AADACL4: variants seen among roughly 807,000 people sequenced by gnomAD.
The protein encoded by AADACL4 is arylacetamide deacetylase like 4.
A neutral mutation model predicts 14.1 loss-of-function variants in AADACL4; 9 were observed. That is an observed-to-expected ratio of 0.64 (90% CI 0.39 to 1.12). AADACL4 has a LOEUF of 1.12. Among genes scored for constraint, AADACL4 ranks in the 50% most tolerant of loss-of-function variants. The pLI is 0.01. For missense variants in AADACL4, 531 were observed against 516.1 expected, an observed-to-expected ratio of 1.03 and a Z score of -0.28; for synonymous variants, 188 against 201.6, an observed-to-expected ratio of 0.93 and a Z score of 0.57.
In AADACL4 at chr1:12,644,699, C is replaced by T. The variant is rs1647099130; in HGVS notation, c.153C>T (p.Leu51=). The T allele has an allele frequency of 6.2e-7, 1 of 1,614,052 alleles. No individual in the cohort carries two copies. The highest frequency in any genetic ancestry group is 2.2e-5 in the East Asian group (1 of 44,884). Residue 51 remains leucine, a synonymous_variant, in exon 1 of 4, where the codon CTC becomes CTT. Coordinates refer to ENST00000376221, the MANE Select transcript of AADACL4 (RefSeq NM_001013630.2). ...TGAGATTCCTGCATTGCATATTCCT[C>T]TACCTGGTCACTTTGGTGAGTTTAC... is the stretch of plus-strand genomic sequence containing the variant. ...AKLRFLHCIF[L]YLVTLGNIFE...
intron 3 of AADACL4, among the ~76,000 whole-genome samples, chr1:12,662,836 C>T (rs920426144): frequency 1.3e-5 from 2 of 152,172 alleles, no homozygotes; most frequent in Admixed American, 6.5e-5. Flanking sequence ...ATCAACATAC[C>T]TCCCAGGTGG....
chr1:12,649,337 C>T (rs1482963957), intron 1 of AADACL4, among the ~76,000 whole-genome samples: 1 of 152,190 alleles, frequency 6.6e-6, no homozygotes, highest in African/African-American at 2.4e-5. Context: ...GAGAAGCCCA[C>T]AGTGTGTGGG....
intron 1 of AADACL4, among the ~76,000 whole-genome samples, chr1:12,647,239 G>A (rs983228592): frequency 3.9e-5 from 6 of 151,936 alleles, no homozygotes; most frequent in Admixed American, 6.6e-5. Context: ...GACCACAGGC[G>A]TGCACCTTCA....
At chr1:12,656,284 C>A (rs561986414) in intron 2 of AADACL4, among the ~76,000 whole-genome samples, 1 of 152,318 alleles carries the variant, frequency 6.6e-6, no homozygotes, top group East Asian at 1.9e-4. Flanking sequence ...TCCCAGTTCC[C>A]TTGGCTGGCT....
At position 12,666,596 on chromosome 1, in the gene AADACL4, A is replaced by G; in HGVS notation, c.1085A>G (p.Asp362Gly). ...DSLLYKKRLE[D>G]QGVRVTWYHL... is the part of the protein sequence containing the mutation. ...TTGCTCTATAAGAAGCGCTTGGAGG[A>G]CCAGGGGGTCCGCGTGACATGGTAC... The change falls in exon 4 of 4, where the codon GAC (aspartate) becomes GGC (glycine). Residue 362 changes from aspartate to glycine, a missense_variant. By Grantham distance (94) the Asp-to-Gly change is moderately conservative (BLOSUM62 -1). Transcript: ENST00000376221. 6.2e-7 allele frequency: 1 copy of G among 1,614,234 alleles called. No individual in the cohort carries two copies.
At chr1:12,647,767 C>T (rs1253355375) in intron 1 of AADACL4, among the ~76,000 whole-genome samples, 1 of 151,926 alleles carries the variant, frequency 6.6e-6, no homozygotes, top group Non-Finnish European at 1.5e-5. Context: ...GTGATCCTCC[C>T]ACTTCAGCGT....
chr1:12,644,475 C>G lies in AADACL4; in HGVS notation c.-72C>G. Reference sequence around the variant, plus strand: ...AGGTGGAGGAGGCGGAGGGTGTAACCCAGCCAGGTCCTCTTCACATAAGCT... The same window carrying G: ...AGGTGGAGGAGGCGGAGGGTGTAACGCAGCCAGGTCCTCTTCACATAAGCT... On this transcript the variant is annotated 5_prime_UTR_variant, in exon 1 of 4. Coordinates refer to ENST00000376221, the MANE Select transcript of AADACL4 (RefSeq NM_001013630.2). 1 of 1,554,632 alleles carries G rather than the reference C, an allele frequency of 6.4e-7. No individual in the cohort carries two copies. The highest frequency in any genetic ancestry group is 8.7e-7 in the Non-Finnish European group (1 of 1,144,914).
intron 3 of AADACL4, among the ~76,000 whole-genome samples, 163 bp downstream of exon 3, chr1:12,662,017 A>G (rs1892065): frequency 0.15 from 23,161 of 152,118 alleles, 4,144 homozygotes; most frequent in African/African-American, 0.44. Flanking sequence ...CAAAAACCTG[A>G]AAGCAACCCA....
At position 12,651,318 on chromosome 1, in the gene AADACL4, G is replaced by A. The variant is rs766773649; in HGVS notation, c.364G>A (p.Ala122Thr). 6.2e-7 allele frequency: 1 copy of A among 1,614,196 alleles called. No individual in the cohort carries two copies. The highest frequency in any genetic ancestry group is 2.2e-5 in the East Asian group (1 of 44,884). ...RRGIIFYHGG[A>T]TVFGSLDCYH... The stretch of plus-strand genomic sequence containing the variant: ...AGGCATCATCTTCTACCATGGAGGG[G>A]CCACAGTATTTGGGAGCCTGGGTAA... Residue 122 changes from alanine to threonine, a missense_variant, in exon 2 of 4, where the codon GCC becomes ACC. Ala to Thr is a moderately conservative substitution (Grantham distance 58). Coordinates refer to ENST00000376221, the MANE Select transcript of AADACL4 (RefSeq NM_001013630.2).
At chr1:12,658,083 TTC>T (rs1491045550) in intron 2 of AADACL4, among the ~76,000 whole-genome samples, 3 of 138,788 alleles carry the variant, frequency 2.2e-5, no homozygotes, top group East Asian at 4.0e-4. Flanking sequence ...CTTTCTTTCT[TTC>T]TTTCTCTTTC....
chr1:12,644,639 G>A lies in AADACL4; in HGVS notation c.93G>A (p.Thr31=), dbSNP rs369838080. ...VWAVFEHFLT[T]DIPATLQHPA... ...CTGTCTTTGAGCACTTCCTCACCAC[G>A]GATATCCCTGCTACCTTGCAGCATC... Residue 31 remains threonine, a synonymous_variant, in exon 1 of 4, where the codon ACG becomes ACA. Transcript: ENST00000376221. 6 of 1,613,960 alleles carry A rather than the reference G, an allele frequency of 3.7e-6. No individual in the cohort carries two copies. The Admixed American group carries it at 5.0e-5, about 13-fold the overall frequency.
At chr1:12,654,217 T>C (rs1381528505) in intron 2 of AADACL4, among the ~76,000 whole-genome samples, 3 of 152,212 alleles carry the variant, frequency 2.0e-5, no homozygotes, top group African/African-American at 4.8e-5. Context: ...TACGGTCTCA[T>C]TGTAAGTCTT....
intron 1 of AADACL4, among the ~76,000 whole-genome samples, chr1:12,648,346 A>ATCCTTCCTTCCT (rs34475360): frequency 0.016 from 2,306 of 140,574 alleles, 32 homozygotes; most frequent in African/African-American, 0.025. Context: ...TGGACCTCAG[A>ATCCTTCCTTCCT]TCCTTCCTTC....
chr1:12,661,806 T>G lies in AADACL4; in HGVS notation c.401T>G (p.Leu134Arg). 6.2e-7 allele frequency: 1 copy of G among 1,614,164 alleles called. No individual in the cohort carries two copies. Among genetic ancestry groups the G allele is most frequent in the Non-Finnish European group, 8.5e-7 (1 of 1,180,018 alleles). Residue 134 changes from leucine to arginine, a missense_variant, in exon 3 of 4, where the codon CTG becomes CGG. By Grantham distance (102) the Leu-to-Arg change is moderately radical. Coordinates refer to ENST00000376221, the MANE Select transcript of AADACL4 (RefSeq NM_001013630.2). ...TGTCTTGCAGATTGTTACCATGGCC[T>G]GTGCAATTATCTGGCCCGGGAGACT... Reference protein sequence around the residue: ...VFGSLDCYHGLCNYLARETES... With the variant: ...VFGSLDCYHGRCNYLARETES...
chr1:12,646,269 G>A (rs1181320619), intron 1 of AADACL4, among the ~76,000 whole-genome samples: 1 of 152,210 alleles, frequency 6.6e-6, no homozygotes, highest in Non-Finnish European at 1.5e-5. Flanking sequence ...TCACTCACTC[G>A]CTGTGCGGTC....
At chr1:12,659,814 T>C (rs1257244136) in intron 2 of AADACL4, among the ~76,000 whole-genome samples, 1 of 151,910 alleles carries the variant, frequency 6.6e-6, no homozygotes, top group Non-Finnish European at 1.5e-5. Flanking sequence ...AGGTAATTAT[T>C]TATGTATTTG....
intron 1 of AADACL4, among the ~76,000 whole-genome samples, chr1:12,646,811 C>A (rs757592553): frequency 6.6e-6 from 1 of 152,170 alleles, no homozygotes; most frequent in Non-Finnish European, 1.5e-5. Context: ...TCGATCCCTC[C>A]GGCACTGGGG....
chr1:12,666,038 C>T lies in AADACL4; in HGVS notation c.527C>T (p.Ala176Val). The stretch of plus-strand genomic sequence containing the variant: ...AATGCCTCCATTCACTTCCTGAAGG[C>T]CCTGGAAACCTATGGGGTGGACCCC... ...CMNASIHFLK[A>V]LETYGVDPSR... is the part of the protein sequence containing the mutation. The change falls in exon 4 of 4, where the codon GCC becomes GTC. Residue 176 changes from alanine to valine, a missense_variant. Transcript: ENST00000376221. 1 of 1,614,200 alleles carries T rather than the reference C, an allele frequency of 6.2e-7. No homozygotes were observed. Among genetic ancestry groups the T allele is most frequent in the Non-Finnish European group, 8.5e-7 (1 of 1,180,024 alleles).
In AADACL4 at chr1:12,645,997, T is replaced by TG. The variant is rs767197399; in HGVS notation, c.168+1288dup. 2.2e-4 allele frequency among the ~76,000 whole-genome samples: 34 copies of TG among 152,264 alleles called. 1 individual carries two copies. The highest frequency in any genetic ancestry group is 1.2e-3 in the East Asian group (6 of 5,180). On this transcript the variant is annotated intron_variant, in intron 1 of 3. Transcript: ENST00000376221. ...CAGGCTCTGAGCAGGGCTTGGGGAT[T>TG]GGGGGTTTGGGGTGGACCAGCATGC...
Sources: allele counts gnomAD v4.1 joint callset (sites outside exome capture counted in the v4.1 genomes callset), GRCh38; gene constraint gnomAD v4.1.1; transcripts MANE v1.5; gene names NCBI Gene and HGNC (gene_info 2026-07-23, HGNC 2026-07-21).